The following COLEC10 variants were observed in gnomAD, a reference collection of about 807,000 sequenced individuals.
COLEC10 encodes collectin subfamily member 10.
Under a neutral mutation model 28.4 loss-of-function variants are expected in COLEC10, and 22 were observed. The observed-to-expected ratio is 0.78, with a 90% CI of 0.55 to 1.11. The LOEUF (loss-of-function observed/expected upper bound fraction) is 1.11. Among genes scored for constraint, COLEC10 ranks in the 50% least tolerant of loss-of-function variants. The probability of loss-of-function intolerance (pLI) is 0.00; values close to 1 mark genes in which losing one functional copy is unlikely to be tolerated. For synonymous variants in COLEC10, 125 were observed against 116.1 expected (o/e 1.08, Z -0.49); for missense variants, 361 against 344.1 (o/e 1.05, Z -0.39).
rs78420229 is a variant in COLEC10, at chr8:119,041,723, G to A, written n.235+32170G>A. ...GACTAAATAAATATTATTGTTACAC[G>A]ACTTAGTAAAAATACCCTCTGCTTT... On this transcript the variant is annotated intron_variant and non_coding_transcript_variant, in intron 2 of 6. Transcript: ENST00000521788. Among the ~76,000 whole-genome samples the A allele has an allele frequency of 9.2e-5, 14 of 152,204 alleles. No homozygotes were observed. The East Asian group carries it at 2.5e-3, about 27-fold the overall frequency.
intron 1 of COLEC10, among the ~76,000 whole-genome samples, chr8:119,073,982 G>GTA (rs1368299293): frequency 1.3e-5 from 2 of 149,872 alleles, no homozygotes; most frequent in Non-Finnish European, 3.0e-5. Context: ...ATATATACAC[G>GTA]TATATATATA....
chr8:119,054,184 A>G (rs1352077031), intron 2 of COLEC10, among the ~76,000 whole-genome samples: 26 of 152,132 alleles, frequency 1.7e-4, no homozygotes, highest in Admixed American at 1.7e-3. Context: ...AGAATAGAGT[A>G]GGATGATATG....
At chr8:118,999,697 A>T (rs1032382316) in intron 1 of COLEC10, among the ~76,000 whole-genome samples, 1 of 152,152 alleles carries the variant, frequency 6.6e-6, no homozygotes, top group Non-Finnish European at 1.5e-5. Context: ...AAATGAAGTT[A>T]TTTAAGAGAA....
chr8:118,979,937 G>T, the COLEC10 span, among the ~76,000 whole-genome samples: 1 of 152,000 alleles, frequency 6.6e-6, no homozygotes, highest in Non-Finnish European at 1.5e-5. Flanking sequence ...TTGTTGGACT[G>T]ATGGTCTCAG....
chr8:119,046,189 C>T (rs560887785), intron 2 of COLEC10, among the ~76,000 whole-genome samples: 2 of 152,284 alleles, frequency 1.3e-5, no homozygotes, highest in East Asian at 1.9e-4. Context: ...GGAAATGAAT[C>T]ATGCAGTTGT....
intron 1 of COLEC10, chr8:119,068,141 T>G (rs529924481): frequency 6.6e-6 from 1 of 152,340 alleles, no homozygotes; most frequent in African/African-American, 2.4e-5. Context: ...GTCACTGCAC[T>G]GCAGATTGGT....
intron 1 of COLEC10, among the ~76,000 whole-genome samples, chr8:119,007,545 C>A (rs980964417): frequency 2.6e-5 from 4 of 151,092 alleles, no homozygotes; most frequent in African/African-American, 9.9e-5. Flanking sequence ...AAATGAGCTG[C>A]TTTTGGAAGT....
intron 2 of COLEC10, among the ~76,000 whole-genome samples, chr8:119,010,413 G>C (rs1316182263): frequency 6.6e-6 from 1 of 150,800 alleles, no homozygotes; most frequent in African/African-American, 2.5e-5. Context: ...TTTACCTACT[G>C]AATAACATCT....
intron 1 of COLEC10, among the ~76,000 whole-genome samples, chr8:119,082,458 C>T (rs1296475741): frequency 6.6e-6 from 1 of 152,244 alleles, no homozygotes; most frequent in Non-Finnish European, 1.5e-5. Context: ...TACTGCTTCT[C>T]AGACTCTGTG....
At chr8:119,042,177 T>A (rs1814511332) in intron 2 of COLEC10, among the ~76,000 whole-genome samples, 1 of 151,196 alleles carries the variant, frequency 6.6e-6, no homozygotes, top group Admixed American at 6.6e-5. Context: ...TTTGTATTTT[T>A]AGTAGAGACG....
At chr8:119,076,840 C>G (rs1041914541) in intron 1 of COLEC10, among the ~76,000 whole-genome samples, 2 of 152,106 alleles carry the variant, frequency 1.3e-5, no homozygotes, top group Non-Finnish European at 2.9e-5. Flanking sequence ...ACAGGACAAC[C>G]AAAAGAAAGA....
At chr8:119,076,660 T>G (rs60256050) in intron 1 of COLEC10, among the ~76,000 whole-genome samples, 1 of 152,238 alleles carries the variant, frequency 6.6e-6, no homozygotes, top group Non-Finnish European at 1.5e-5. Flanking sequence ...CAGGGATAAG[T>G]GTATGTGCAA....
At chr8:119,104,043 T>A in intron 5 of COLEC10, 148 bp downstream of exon 5, 1 of 602,616 alleles carries the variant, frequency 1.7e-6, no homozygotes. Flanking sequence ...AATTGCTAAT[T>A]ATCCACTAAG....
chr8:118,954,367 A>C, the COLEC10 span, among the ~76,000 whole-genome samples: 1 of 152,224 alleles, frequency 6.6e-6, no homozygotes. Flanking sequence ...TCTTGGAGCA[A>C]TCTGGCCAAT....
chr8:119,013,316 T>C (rs1354895557), intron 2 of COLEC10, among the ~76,000 whole-genome samples: 1 of 150,694 alleles, frequency 6.6e-6, no homozygotes, highest in Non-Finnish European at 1.5e-5. Flanking sequence ...TCCACTGTGG[T>C]CTGAAAGCAG....
At chr8:118,988,638 T>C in the COLEC10 span, among the ~76,000 whole-genome samples, 4 of 152,116 alleles carry the variant, frequency 2.6e-5, no homozygotes, top group African/African-American at 9.7e-5. Context: ...AATTGGAAGA[T>C]TATAGGAGGT....
the COLEC10 span, among the ~76,000 whole-genome samples, chr8:118,971,356 C>T: frequency 2.0e-5 from 3 of 151,946 alleles, no homozygotes; most frequent in Admixed American, 6.6e-5. Flanking sequence ...CTCTCCTTTT[C>T]TGGGTTCCAG....
At chr8:119,077,961 G>A (rs1450085756) in intron 1 of COLEC10, among the ~76,000 whole-genome samples, 1 of 152,124 alleles carries the variant, frequency 6.6e-6, no homozygotes, top group Non-Finnish European at 1.5e-5. Context: ...TCTGGTGAGG[G>A]CCTCAGGAAA....
chr8:119,102,379 A>G lies in COLEC10; in HGVS notation c.324A>G (p.Ile108Met), dbSNP rs1377649723. 1.2e-6 allele frequency: 2 copies of G among 1,609,162 alleles called. No individual in the cohort carries two copies. Among genetic ancestry groups the G allele is most frequent in the Non-Finnish European group, 1.7e-6 (2 of 1,177,692 alleles). ...GDKGEKGLLGIPGEKGKAGTV... is the reference protein window; with the variant it reads ...GDKGEKGLLGMPGEKGKAGTV... ...AAGGGGAAAAAGGTTTGCTTGGAAT[A>G]CCTGGAGAAAAAGGCAAAGCAGGTA... Residue 108 changes from isoleucine to methionine, a missense_variant, in exon 4 of 6, where the codon ATA (isoleucine) becomes ATG (methionine). Coordinates refer to ENST00000332843, the MANE Select transcript of COLEC10 (RefSeq NM_006438.5).
Sources: gnomAD v4.1 joint callset for allele counts (sites outside exome capture counted in the v4.1 genomes callset) on GRCh38, gnomAD v4.1.1 for gene constraint, MANE v1.5 for transcripts, NCBI Gene and HGNC (gene_info 2026-07-23, HGNC 2026-07-21) for gene names.